ODAD4: variants seen among roughly 807,000 people sequenced by gnomAD.
ODAD4 encodes the protein outer dynein arm-docking complex subunit 4.
In ODAD4, 49 loss-of-function variants were observed where a neutral mutation model predicts 51.8. The ratio of observed to expected loss-of-function variants is 0.95; its 90% CI spans 0.75 to 1.20. The LOEUF (loss-of-function observed/expected upper bound fraction) is 1.20. Ranked by LOEUF, ODAD4 falls within the 50% of genes most tolerant of loss-of-function variation. The probability of loss-of-function intolerance (pLI) is 0.00; values close to 1 mark genes in which losing one functional copy is unlikely to be tolerated. For synonymous variants in ODAD4, 235 were observed against 221.3 expected (o/e 1.06, Z -0.55); for missense variants, 590 against 586.5 (o/e 1.01, Z -0.06).
Position 41,930,802 on chromosome 17 carries a change from G to C in ODAD4, c.79G>C (p.Gly27Arg). Residue 27 changes from glycine (G) to arginine (R), a missense_variant, in exon 1 of 12, where the codon GGG becomes CGG. This residue lies in a region of ODAD4 where 360 missense variants were observed against 407.5 expected (regional missense o/e 0.88). Transcript: ENST00000377540. ...MAEGERLYLC[G>R]EFSKAAQSFS... The stretch of plus-strand genomic sequence containing the variant: ...CGAAGGCGAGCGGCTCTACCTGTGC[G>C]GGGAATTTTCTAAAGCCGCGCAGAG... 1 of 1,602,952 alleles carries C rather than the reference G, an allele frequency of 6.2e-7. No individual in the cohort carries two copies. Among genetic ancestry groups the C allele is most frequent in the Non-Finnish European group, 8.5e-7 (1 of 1,174,430 alleles).
At chr17:41,931,634 C>T (rs1555636862) in intron 1 of ODAD4, among the ~76,000 whole-genome samples, 1 of 151,566 alleles carries the variant, frequency 6.6e-6, no homozygotes, top group African/African-American at 2.4e-5. Context: ...TCCGCCTCCC[C>T]AGGTTCAAGC....
chr17:41,960,438 ACT>A (rs2050789608), intron 10 of ODAD4, among the ~76,000 whole-genome samples: 3 of 126,588 alleles, frequency 2.4e-5, no homozygotes, highest in Non-Finnish European at 3.4e-5. Flanking sequence ...ATAGAGCGAG[ACT>A]CTGTCTCAAA....
rs2050434352 is a variant in ODAD4 at position 41,936,778 on chromosome 17, A to G, written c.476A>G (p.Gln159Arg). 2 of 1,613,908 alleles carry G rather than the reference A, an allele frequency of 1.2e-6. No homozygotes were observed. The highest frequency in any genetic ancestry group is 1.3e-5 in the African/African-American group (1 of 74,936). ...TTTTCTCAGAATATAAAAGCCCAGC[A>G]GAAGCCTCAGCCCATGAAACACCTC... ...SKQAENIKAQQKPQPMKHLLH... is the reference protein window; with the variant it reads ...SKQAENIKAQRKPQPMKHLLH... Residue 159 changes from glutamine (Q) to arginine (R), a missense_variant, in exon 5 of 12, where the codon CAG becomes CGG. This residue lies in a region of ODAD4 where 360 missense variants were observed against 407.5 expected (regional missense o/e 0.88). Coordinates refer to ENST00000377540, the MANE Select transcript of ODAD4 (RefSeq NM_031421.5).
intron 5 of ODAD4, chr17:41,937,151 A>T (rs2050441071): frequency 1.9e-6 from 1 of 514,360 alleles, no homozygotes; most frequent in Admixed American, 3.3e-5. Flanking sequence ...ATTCGAATCC[A>T]GGAAGTCCAA....
At chr17:41,934,038 C>CTTTTTTTTTTTTTTTTTTTTTTTTT (rs782039270) in intron 1 of ODAD4, among the ~76,000 whole-genome samples, 93 of 65,508 alleles carry the variant, frequency 1.4e-3, no homozygotes, top group Non-Finnish European at 1.6e-3. Context: ...TTCTTTCTTT[C>CTTTTTTTTTTTTTTTTTTTTTTTTT]TTTTTTTTTT....
At chr17:41,956,133 C>T (rs527442123) in intron 10 of ODAD4, among the ~76,000 whole-genome samples, 7 of 151,186 alleles carry the variant, frequency 4.6e-5, no homozygotes, top group African/African-American at 1.7e-4. Flanking sequence ...CTGCAACCTC[C>T]GCCTCCCGGG....
rs2050429033 is a variant in ODAD4 at position 41,936,487 on chromosome 17, AAGCT to A, written c.413_416del (p.Lys138ArgfsTer10). On this transcript the variant is annotated frameshift_variant, in exon 4 of 12. Transcript: ENST00000377540. LOFTEE classifies it high-confidence loss of function. ...TTTCCTTGCAGGTCCTTCTTCCATT[AAGCT>A]GGAGAACAAAGGGGACCTCTCCTTC... 6.2e-7 allele frequency: 1 copy of A among 1,613,242 alleles called. No individual in the cohort carries two copies. The highest frequency in any genetic ancestry group is 8.5e-7 in the Non-Finnish European group (1 of 1,179,696).
Position 41,936,818 on chromosome 17 carries a change from G to C in ODAD4, c.516G>C (p.Lys172Asn). The C allele has an allele frequency of 6.2e-7, 1 of 1,613,988 alleles. No homozygotes were observed. The part of the protein sequence containing the change: ...QPMKHLLHPT[K>N]GEPKWKASLK... ...TGAAACACCTCTTACACCCCACCAA[G>C]GGAGAGCCCAAGTGGAAGGCCTCGC... The change falls in exon 5 of 12, where the codon AAG (lysine) becomes AAC (asparagine). Residue 172 changes from lysine (K) to asparagine (N), a missense_variant. By Grantham distance (94) the Lys-to-Asn change is moderately conservative. Coordinates refer to ENST00000377540, the MANE Select transcript of ODAD4 (RefSeq NM_031421.5).
intron 7 of ODAD4, among the ~76,000 whole-genome samples, chr17:41,939,795 G>A (rs1340090346): frequency 6.6e-6 from 1 of 152,090 alleles, no homozygotes; most frequent in African/African-American, 2.4e-5. Context: ...TTTTAAAACC[G>A]GTGCTGATCA....
At chr17:41,936,291 T>A (rs190186331) in intron 3 of ODAD4, among the ~76,000 whole-genome samples, 182 bp from the exon 4 acceptor site, 1 of 152,194 alleles carries the variant, frequency 6.6e-6, no homozygotes, top group Non-Finnish European at 1.5e-5. Context: ...TAGCGGGGGC[T>A]GTTAGCTCCT....
In ODAD4 at chr17:41,953,668, T is replaced by TAGAG. The variant is rs781894882; in HGVS notation, c.1343-1531_1343-1528dup. On this transcript the variant is annotated intron_variant, in intron 9 of 11. Coordinates refer to ENST00000377540, the MANE Select transcript of ODAD4 (RefSeq NM_031421.5). The stretch of plus-strand genomic sequence containing the variant: ...ATTAATTTAATTATATATATATATA[T>TAGAG]AGAGAGAGAGAGAGAGAGAGACAGG... 7.6e-3 allele frequency among the ~76,000 whole-genome samples: 1,097 copies of TAGAG among 145,096 alleles called. 8 individuals carry two copies. The highest frequency in any genetic ancestry group is 0.013 in the East Asian group (63 of 4,794).
At chr17:41,944,772 G>A (rs1301696167) in intron 7 of ODAD4, among the ~76,000 whole-genome samples, 1 of 151,472 alleles carries the variant, frequency 6.6e-6, no homozygotes, top group Admixed American at 6.6e-5. Context: ...CTGGGCAACA[G>A]AGTGAGACTC....
intron 9 of ODAD4, among the ~76,000 whole-genome samples, chr17:41,951,225 C>T (rs2050646993): frequency 6.7e-6 from 1 of 150,136 alleles, no homozygotes; most frequent in Non-Finnish European, 1.5e-5. Context: ...GCTGGGATTA[C>T]AGGCGTGCGC....
chr17:41,943,666 G>A (rs560239519), intron 7 of ODAD4, among the ~76,000 whole-genome samples: 1 of 152,232 alleles, frequency 6.6e-6, no homozygotes, highest in African/African-American at 2.4e-5. Flanking sequence ...GGGCCATCTG[G>A]TTGTATACGT....
chr17:41,949,425 G>T, intron 9 of ODAD4, 76 bp downstream of exon 9: 1 of 397,864 alleles, frequency 2.5e-6, no homozygotes, highest in South Asian at 1.4e-4. Context: ...GAGTCTTGTG[G>T]ACTGAGTTTA....
intron 9 of ODAD4, among the ~76,000 whole-genome samples, chr17:41,954,723 G>A (rs149624590): frequency 3.1e-4 from 47 of 151,838 alleles, no homozygotes; most frequent in Non-Finnish European, 5.9e-4. Flanking sequence ...GGTGTCATGT[G>A]CCTGTAATCC....
chr17:41,930,880 A>AATTTT, intron 1 of ODAD4, 43 bp downstream of exon 1: 3 of 135,230 alleles, frequency 2.2e-5, no homozygotes, highest in East Asian at 1.5e-4. Flanking sequence ...ATCACCCGTC[A>AATTTT]CTTTTTTTTT....
chr17:41,953,643 A>G (rs1722956238), intron 9 of ODAD4, among the ~76,000 whole-genome samples: 3 of 150,176 alleles, frequency 2.0e-5, no homozygotes, highest in African/African-American at 7.3e-5. Context: ...CCCTGTCTCT[A>G]TTAATTTAAT....
intron 1 of ODAD4, 23 bp downstream of exon 1, chr17:41,930,860 C>A: frequency 1.1e-6 from 1 of 880,110 alleles, no homozygotes; most frequent in Non-Finnish European, 1.7e-6. Context: ...CTCAACCTAT[C>A]CATCACCCCA....
Sources: allele counts gnomAD v4.1 joint callset (sites outside exome capture counted in the v4.1 genomes callset), GRCh38; gene constraint gnomAD v4.1.1; regional missense constraint gnomAD v4.1.1; transcripts MANE v1.5; gene names NCBI Gene and HGNC (gene_info 2026-07-23, HGNC 2026-07-21).